The following KEL variants were observed in gnomAD, a reference collection of about 807,000 sequenced individuals.
KEL encodes the protein kell blood group glycoprotein.
Under a neutral mutation model 99.5 loss-of-function variants are expected in KEL, and 96 were observed. The observed-to-expected ratio is 0.97, with a 90% CI of 0.82 to 1.14. The LOEUF is 1.14. Among genes scored for constraint, KEL ranks in the 50% most tolerant of loss-of-function variants. The pLI is 0.00. For missense variants in KEL, 926 were observed against 924.2 expected, an observed-to-expected ratio of 1.00 and a Z score of -0.03; for synonymous variants, 355 against 354.8, an observed-to-expected ratio of 1.00 and a Z score of -0.01.
intron 4 of KEL, 56 bp from the exon 5 acceptor site, chr7:142,958,484 A>G (rs1043874564): frequency 1.3e-6 from 2 of 1,576,354 alleles, no homozygotes; most frequent in Admixed American, 3.5e-5. Flanking sequence ...ATCTTGCCCC[A>G]AATTCCTATC....
At chr7:142,956,301 T>C (rs976194866) in intron 6 of KEL, among the ~76,000 whole-genome samples, 5 of 152,120 alleles carry the variant, frequency 3.3e-5, no homozygotes, top group African/African-American at 1.2e-4. Context: ...TCTACCTCTA[T>C]CTCAGGGCCT....
intron 6 of KEL, among the ~76,000 whole-genome samples, chr7:142,956,438 CT>C (rs75808381): frequency 1.8e-3 from 262 of 146,806 alleles, no homozygotes; most frequent in Non-Finnish European, 2.2e-3. Context: ...CTCAGTAGCT[CT>C]TTTTTTTTTT....
chr7:142,952,605 C>A lies in KEL; in HGVS notation c.1107G>T (p.Leu369=). ...CCAGGGCTGGAGAAAGGGTCACCAC[C>A]AGCCCTAAGATCATGTGGCTCTGCA... The part of the protein sequence containing the change: ...DFLQSHMILG[L]VVTLSPALDS... The change falls in exon 10 of 19, where the codon CTG becomes CTT. Residue 369 remains leucine (L), a synonymous_variant. Transcript: ENST00000355265. The A allele has an allele frequency of 6.2e-7, 1 of 1,614,104 alleles. No homozygotes were observed. The highest frequency in any genetic ancestry group is 8.5e-7 in the Non-Finnish European group (1 of 1,180,014).
intron 10 of KEL, among the ~76,000 whole-genome samples, chr7:142,952,195 T>C (rs1796702448): frequency 6.6e-6 from 1 of 152,086 alleles, no homozygotes; most frequent in Non-Finnish European, 1.5e-5. Flanking sequence ...CCTGAGCAAA[T>C]AGTGTAAGCA....
At chr7:142,943,921 A>T (rs1287934956) in intron 13 of KEL, 38 bp from the exon 14 acceptor site, 1 of 1,533,314 alleles carries the variant, frequency 6.5e-7, no homozygotes, top group Non-Finnish European at 9.0e-7. Flanking sequence ...GCACACAGAG[A>T]CTTCTATAGA....
At position 142,946,378 on chromosome 7, in the gene KEL, C is replaced by G. The variant is rs554460624; in HGVS notation, c.1204-61G>C. On this transcript the variant is annotated intron_variant, in intron 10 of 18. Coordinates refer to ENST00000355265, the MANE Select transcript of KEL (RefSeq NM_000420.3). ...CAGGACTCTTTCCTCATCTGTCTCCCCAGTCTTCACTAGATCTTCATTCCC... is the reference window on the plus strand; with the variant it reads ...CAGGACTCTTTCCTCATCTGTCTCCGCAGTCTTCACTAGATCTTCATTCCC... 8.4e-5 allele frequency: 107 copies of G among 1,277,998 alleles called. No individual in the cohort carries two copies. The African/African-American group carries it at 1.4e-3, about 17-fold the overall frequency. 79.2% of individuals were successfully genotyped at this position (1,277,998 alleles called of 1,614,324 possible).
At chr7:142,944,458 C>T in intron 12 of KEL, 58 bp from the exon 13 acceptor site, 1 of 1,442,756 alleles carries the variant, frequency 6.9e-7, no homozygotes, top group Non-Finnish European at 9.8e-7. Context: ...GAGGAAATTT[C>T]TCCCACTCGT....
At position 142,957,921 on chromosome 7, in the gene KEL, G is replaced by A. The variant is rs8176058; in HGVS notation, c.578C>T (p.Thr193Met). Residue 193 changes from threonine to methionine, a missense_variant, in exon 6 of 19, where the codon ACG becomes ATG. Thr to Met is a moderately conservative substitution (Grantham distance 81). Transcript: ENST00000355265. ...GKWTSLNFNRTLRLLMSQYGH... is the reference protein window; with the variant it reads ...GKWTSLNFNRMLRLLMSQYGH... ...ATACTGACTCATCAGAAGTCTCAGC[G>A]TTCGGTTAAAGTTTAAGGAAGTCCA... 0.036 allele frequency: 57,541 copies of A among 1,614,034 alleles called. 1,186 individuals are homozygous for A. Among genetic ancestry groups the A allele is most frequent in the Middle Eastern group, 0.049 (296 of 6,060 alleles).
Position 142,954,195 on chromosome 7 carries a change from C to T in KEL, c.913G>A (p.Asp305Asn), listed in dbSNP as rs61729044. The T allele has an allele frequency of 3.9e-5, 63 of 1,610,304 alleles. No individual in the cohort carries two copies. The highest frequency in any genetic ancestry group is 2.7e-4 in the African/African-American group (20 of 75,008). The change falls in exon 8 of 19, where the codon GAC (aspartate) becomes AAC (asparagine). Residue 305 changes from aspartate (D) to asparagine (N), a missense_variant. Transcript: ENST00000355265. Reference sequence around the variant, plus strand: ...CCAGTTCCAGGCACCTTGAGCTGGTCGATAGTGACCATCTGGAAGAGCTTG... The same window carrying T: ...CCAGTTCCAGGCACCTTGAGCTGGTTGATAGTGACCATCTGGAAGAGCTTG... ...QGKLFQMVTI[D>N]QLKEMAPAID...
At position 142,961,515 on chromosome 7, in the gene KEL, C is replaced by A; in HGVS notation, c.82-14G>T. On this transcript the variant is annotated splice_polypyrimidine_tract_variant and intron_variant, in intron 2 of 18. Coordinates refer to ENST00000355265, the MANE Select transcript of KEL (RefSeq NM_000420.3). The stretch of plus-strand genomic sequence containing the variant: ...TTCTGGAGTGCTCTGTGGGAGGAAC[C>A]AAGAGGTGAAAGATACAAGATGGGG... 1 of 1,583,320 alleles carries A rather than the reference C, an allele frequency of 6.3e-7. No homozygotes were observed.
At position 142,954,521 on chromosome 7, in the gene KEL, G is replaced by T; in HGVS notation, c.679C>A (p.Gln227Lys). 2 of 1,613,984 alleles carry T rather than the reference G, an allele frequency of 1.2e-6. No individual in the cohort carries two copies. Among genetic ancestry groups the T allele is most frequent in the South Asian group, 2.2e-5 (2 of 91,072 alleles). ...SPHTPVIQID[Q>K]PEFDVPLKQD... ...TTGAGGGGAACATCAAACTCTGGCT[G>T]GTCTATCTGGGCACAAGAGAGACTG... The change falls in exon 7 of 19, where the codon CAG (glutamine) becomes AAG (lysine). Residue 227 changes from glutamine to lysine, a missense_variant. Transcript: ENST00000355265.
chr7:142,958,557 C>T, intron 4 of KEL, 129 bp from the exon 5 acceptor site: 1 of 831,058 alleles, frequency 1.2e-6, no homozygotes, highest in Non-Finnish European at 2.0e-6. Flanking sequence ...TTATTTAACC[C>T]ATGTAACATG....
At chr7:142,958,071 G>T (rs2116680642) in intron 5 of KEL, 98 bp from the exon 6 acceptor site, 4 of 1,460,112 alleles carry the variant, frequency 2.7e-6, no homozygotes, top group East Asian at 4.8e-5. Context: ...CCTGACCTCT[G>T]CCCTGCGCCC....
At chr7:142,954,715 T>C (rs1796785241) in intron 6 of KEL, among the ~76,000 whole-genome samples, 188 bp from the exon 7 acceptor site, 1 of 151,902 alleles carries the variant, frequency 6.6e-6, no homozygotes, top group Non-Finnish European at 1.5e-5. Context: ...AGAGTCCAGA[T>C]GTGAAAATGG....
In KEL at chr7:142,945,440, C is replaced by T. The variant is rs547245026; in HGVS notation, c.1315-699G>A. Among the ~76,000 whole-genome samples the T allele has an allele frequency of 1.4e-3, 208 of 152,268 alleles. 1 individual carries two copies. Among genetic ancestry groups the T allele is most frequent in the Non-Finnish European group, 2.5e-3 (170 of 68,032 alleles). ...CAGGATCATAATAGGAACTAAATGA[C>T]GTAGTTCATGCAAAGTTCTTGAAGG... On this transcript the variant is annotated intron_variant, in intron 11 of 18. Coordinates refer to ENST00000355265, the MANE Select transcript of KEL (RefSeq NM_000420.3).
Position 142,961,882 on chromosome 7 carries a change from G to C in KEL, c.4-10C>G. 1 of 1,613,814 alleles carries C rather than the reference G, an allele frequency of 6.2e-7. No individual in the cohort carries two copies. The highest frequency in any genetic ancestry group is 1.3e-5 in the African/African-American group (1 of 75,038). ...TTTGGTCCCCACCTTCCTGAAGTGA[G>C]TGGAGGGAGAAGGAGGAGAGAGAAG... On this transcript the variant is annotated splice_polypyrimidine_tract_variant and intron_variant, in intron 1 of 18. Coordinates refer to ENST00000355265, the MANE Select transcript of KEL (RefSeq NM_000420.3).
chr7:142,941,954 G>A (rs1436956263), intron 18 of KEL: 10 of 167,344 alleles, frequency 6.0e-5, no homozygotes, highest in East Asian at 1.7e-4. Flanking sequence ...GATTACAGGC[G>A]CCCGCCACCA....
At position 142,943,765 on chromosome 7, in the gene KEL, T is replaced by G; in HGVS notation, c.1592+18A>C. On this transcript the variant is annotated intron_variant, in intron 14 of 18. Transcript: ENST00000355265. ...GTCTCTCTGGGATGGAGTGCCTGTG[T>G]CTCCCCTGCTGTCATACCTGTGTTG... 1 of 1,607,076 alleles carries G rather than the reference T, an allele frequency of 6.2e-7. No homozygotes were observed. Among genetic ancestry groups the G allele is most frequent in the Non-Finnish European group, 8.5e-7 (1 of 1,173,728 alleles).
At chr7:142,955,942 C>T (rs1796820249) in intron 6 of KEL, among the ~76,000 whole-genome samples, 1 of 152,156 alleles carries the variant, frequency 6.6e-6, no homozygotes, top group African/African-American at 2.4e-5. Context: ...GCTGACCCCT[C>T]CTTCCTGAAG....
Sources: allele counts gnomAD v4.1 joint callset (sites outside exome capture counted in the v4.1 genomes callset), GRCh38; gene constraint gnomAD v4.1.1; transcripts MANE v1.5; gene names NCBI Gene and HGNC (gene_info 2026-07-23, HGNC 2026-07-21).